WNT7B: variants seen among roughly 807,000 people sequenced by gnomAD.
WNT7B encodes Wnt family member 7B, also known as protein Wnt-7b.
A neutral mutation model predicts 38.2 loss-of-function variants in WNT7B; 19 were observed. The ratio of observed to expected loss-of-function variants is 0.50; its 90% CI spans 0.35 to 0.73. The LOEUF (loss-of-function observed/expected upper bound fraction) is 0.73. Among genes scored for constraint, WNT7B ranks in the 30% least tolerant of loss-of-function variants. The pLI, the probability that WNT7B is intolerant of heterozygous loss-of-function variation, is 0.01. For missense variants in WNT7B, 423 were observed against 507.9 expected (o/e 0.83, Z 1.61); for synonymous variants, 243 against 209.3 (o/e 1.16, Z -1.39).
At chr22:45,952,559 G>C (rs557443689) in intron 1 of WNT7B, among the ~76,000 whole-genome samples, 86 of 152,378 alleles carry the variant, frequency 5.6e-4, no homozygotes, top group Non-Finnish European at 1.0e-3. Context: ...TGGGAACCCT[G>C]CCGGGCACCC....
chr22:45,956,493 G>A (rs1267299187), intron 1 of WNT7B, among the ~76,000 whole-genome samples: 1 of 152,180 alleles, frequency 6.6e-6, no homozygotes. Flanking sequence ...AAGCTACTGG[G>A]TATCCGCGTC....
chr22:45,972,116 G>GCCCCCCCCCCCCCCCCCCC, intron 1 of WNT7B: 1 of 530,746 alleles, frequency 1.9e-6, no homozygotes, highest in Non-Finnish European at 3.3e-6. Flanking sequence ...CCCGGGGGGA[G>GCCCCCCCCCCCCCCCCCCC]CCCACCCGCC....
At position 45,977,104 on chromosome 22, in the gene WNT7B, C is replaced by A; in HGVS notation, c.-350G>T. ...GCGCAGCCGCCTGAGGCCGTGAGCG[C>A]CTCGCCGAGCGCCGCGGCGGCCAAT... On this transcript the variant is annotated 5_prime_UTR_variant, in exon 1 of 4. Transcript: ENST00000339464. 1.2e-6 allele frequency: 1 copy of A among 823,348 alleles called. No homozygotes were observed. The highest frequency in any genetic ancestry group is 1.5e-6 in the Non-Finnish European group (1 of 681,976). The allele number at this position is 823,348 out of a possible 1,614,324, so 51.0% of individuals were successfully genotyped here.
At chr22:45,972,623 C>T (rs1019577503) in intron 1 of WNT7B, 1 of 152,902 alleles carries the variant, frequency 6.5e-6, no homozygotes, top group Non-Finnish European at 1.5e-5. Flanking sequence ...TCCGCCTCCT[C>T]CCCCGGCGGG....
At chr22:45,946,034 CAGGCCCGTGGTCCTGGGGGACT>C (rs1479182448) in intron 2 of WNT7B, among the ~76,000 whole-genome samples, 28 of 151,354 alleles carry the variant, frequency 1.8e-4, no homozygotes, top group African/African-American at 5.8e-4. Flanking sequence ...GCCCCAGGCC[CAGGCCCGTGGTCCTGGGGGACT>C]CTGGGCTCTA....
In WNT7B at chr22:45,922,628, C is replaced by T. The variant is rs1035811803; in HGVS notation, c.*228G>A. ...CTGGCCTTGCTCTCTGGGTGGGTCA[C>T]GGGTGCTGTTCTGCCGCAGGAGGTG... On this transcript the variant is annotated 3_prime_UTR_variant, in exon 4 of 4. Transcript: ENST00000339464. The T allele has an allele frequency of 3.7e-5, 25 of 673,752 alleles. No individual in the cohort carries two copies. The highest frequency in any genetic ancestry group is 1.1e-4 in the East Asian group (4 of 35,560). 41.7% of individuals were successfully genotyped at this position (673,752 alleles called of 1,614,324 possible).
chr22:45,926,833 GGA>G (rs1317208174), intron 3 of WNT7B: 69 of 985,324 alleles, frequency 7.0e-5, no homozygotes, highest in Non-Finnish European at 8.1e-5. Context: ...TGGCCGAGAA[GGA>G]GAGTGTGGAG....
At chr22:45,929,791 T>G (rs1022880173) in intron 3 of WNT7B, among the ~76,000 whole-genome samples, 1 of 109,800 alleles carries the variant, frequency 9.1e-6, no homozygotes, top group African/African-American at 3.3e-5. Flanking sequence ...CACCCACCGA[T>G]CCACTCAACC....
chr22:45,944,887 TGGA>T (rs1931757722), intron 2 of WNT7B, among the ~76,000 whole-genome samples: 1 of 152,094 alleles, frequency 6.6e-6, no homozygotes, highest in Non-Finnish European at 1.5e-5. Flanking sequence ...CACCCCACAC[TGGA>T]GGACAGTGTC....
intron 1 of WNT7B, among the ~76,000 whole-genome samples, chr22:45,969,333 A>C (rs1007712029): frequency 5.9e-5 from 9 of 152,222 alleles, no homozygotes; most frequent in African/African-American, 2.2e-4. Context: ...CGTCAGAGCC[A>C]ACCCCCACAT....
intron 3 of WNT7B, among the ~76,000 whole-genome samples, chr22:45,924,554 AAG>A (rs1455431467): frequency 6.6e-6 from 1 of 152,240 alleles, no homozygotes; most frequent in Non-Finnish European, 1.5e-5. Flanking sequence ...TCGTTAGACA[AAG>A]AGGACAGCAT....
chr22:45,926,930 C>A, intron 3 of WNT7B: 1 of 985,450 alleles, frequency 1.0e-6, no homozygotes, highest in Non-Finnish European at 1.2e-6. Flanking sequence ...GACCCTCAGT[C>A]AGGGAAGGGC....
Position 45,975,998 on chromosome 22 carries a change from G to T in WNT7B, c.71+686C>A, listed in dbSNP as rs929242095. 7 of 147,136 alleles carry T rather than the reference G, an allele frequency of 4.8e-5. No homozygotes were observed. Among genetic ancestry groups the T allele is most frequent in the African/African-American group, 1.7e-4 (7 of 40,744 alleles). 9.1% of individuals were successfully genotyped at this position (147,136 alleles called of 1,614,324 possible). A position where few individuals can be genotyped will look rare whatever the true frequency, so the allele number is the denominator to read the frequency against. ...GAGAGCAGCTAGCGCGGCTCGCCGG[G>T]CGCCCGCCCGCCGGGCCGCGCCAGG... On this transcript the variant is annotated intron_variant, in intron 1 of 3. Transcript: ENST00000339464. The surrounding 1 kb of genome is among the most constrained non-coding windows in gnomAD (Gnocchi z 6.6).
rs1932524971 is a variant in WNT7B at position 45,975,160 on chromosome 22, TA to T, written c.71+1523del. 6.6e-6 allele frequency among the ~76,000 whole-genome samples: 1 copy of T among 151,586 alleles called. No individual in the cohort carries two copies. Among genetic ancestry groups the T allele is most frequent in the South Asian group, 2.1e-4 (1 of 4,790 alleles). Reference sequence around the variant, plus strand: ...TTCCTAATCCTTGAATCCGGGAGAGTAAAAGCACCTAACTACTCTAGGGGTG... The same window carrying T: ...TTCCTAATCCTTGAATCCGGGAGAGTAAAGCACCTAACTACTCTAGGGGTG... On this transcript the variant is annotated intron_variant, in intron 1 of 3. Transcript: ENST00000339464. This position sits in a 1 kb window ranked among gnomAD's most constrained non-coding sequence, Gnocchi z 6.6.
intron 2 of WNT7B, among the ~76,000 whole-genome samples, chr22:45,945,512 T>C (rs1569117874): frequency 6.6e-6 from 1 of 152,254 alleles, no homozygotes; most frequent in African/African-American, 2.4e-5. Flanking sequence ...TCAAAATCCA[T>C]GCATATCTTA....
At chr22:45,937,776 G>A (rs1931548557) in intron 2 of WNT7B, among the ~76,000 whole-genome samples, 1 of 152,242 alleles carries the variant, frequency 6.6e-6, no homozygotes, top group South Asian at 2.1e-4. Flanking sequence ...TTGGAAGGCT[G>A]AAGCAGGTGG....
intron 3 of WNT7B, chr22:45,927,711 C>G (rs561471405): frequency 1.0e-5 from 7 of 677,610 alleles, no homozygotes; most frequent in Non-Finnish European, 1.6e-5. Flanking sequence ...GCCTGGGCAA[C>G]ATGGTGAAGC....
At chr22:45,925,939 G>GC (rs1468642828) in intron 3 of WNT7B, 1 of 985,220 alleles carries the variant, frequency 1.0e-6, no homozygotes, top group Non-Finnish European at 1.2e-6. Flanking sequence ...CAGGATGGCT[G>GC]CCCCTGGTAC....
At chr22:45,971,417 G>A (rs1323886652) in intron 1 of WNT7B, among the ~76,000 whole-genome samples, 1 of 152,200 alleles carries the variant, frequency 6.6e-6, no homozygotes, top group African/African-American at 2.4e-5. Flanking sequence ...CGCGCCCCCT[G>A]GGCTCACTGG....
Sources: gnomAD v4.1 joint callset for allele counts (sites outside exome capture counted in the v4.1 genomes callset) on GRCh38, gnomAD v4.1.1 for gene constraint, Gnocchi (gnomAD v3.1) non-coding constraint, MANE v1.5 for transcripts, NCBI Gene and HGNC (gene_info 2026-07-23, HGNC 2026-07-21) for gene names.